CTAGE1: variants seen among roughly 807,000 people sequenced by gnomAD.
The protein encoded by CTAGE1 is cutaneous T cell lymphoma-associated antigen 1.
For missense variants in CTAGE1, 963 were observed against 855.9 expected, an observed-to-expected ratio of 1.13 and a Z score of -1.56; for synonymous variants, 332 against 302.8, an observed-to-expected ratio of 1.10 and a Z score of -1.00.
Position 22,415,067 on chromosome 18 carries a change from C to T in CTAGE1, c.*507G>A, listed in dbSNP as rs2034993608. 2 of 366,070 alleles carry T rather than the reference C, an allele frequency of 5.5e-6. No individual in the cohort carries two copies. The highest frequency in any genetic ancestry group is 9.7e-6 in the Non-Finnish European group (2 of 206,842). 22.7% of individuals were successfully genotyped at this position (366,070 alleles called of 1,614,324 possible). On this transcript the variant is annotated 3_prime_UTR_variant, in exon 1 of 1. Transcript: ENST00000391403. ...TAACAGTTACATAGTATTCTACCTT[C>T]CCACCTGTGCATATTTATATATTTC...
chr18:22,417,789 TA>T lies in CTAGE1; in HGVS notation c.22del (p.Tyr8MetfsTer8). ...TATCACCAATTCCCATGGAAAACCA[TA>T]AGGATGAGAATCGGGTCTCATACCT... MRPDSHP[Y>X]GFPWELVIRA... On this transcript the variant is annotated frameshift_variant, in exon 1 of 1. Coordinates refer to ENST00000391403, the MANE Select transcript of CTAGE1 (RefSeq NM_172241.3). LOFTEE classifies it low-confidence loss of function (END_TRUNC). 6.2e-7 allele frequency: 1 copy of T among 1,614,148 alleles called. No individual in the cohort carries two copies. The highest frequency in any genetic ancestry group is 8.5e-7 in the Non-Finnish European group (1 of 1,180,034).
In CTAGE1 at chr18:22,415,857, T is replaced by C. The variant is rs1451058868; in HGVS notation, c.1955A>G (p.Glu652Gly). ...AAAGCCAGGGCCAGTTGCTTCATTT[T>C]CAGCGGGGAGAGATGAATCAGGCAC... Reference protein sequence around the residue: ...LKVPDSSLPAENEATGPGFVP... With the variant: ...LKVPDSSLPAGNEATGPGFVP... The change falls in exon 1 of 1, where the codon GAA becomes GGA. Residue 652 changes from glutamate (E) to glycine (G), a missense_variant. By Grantham distance (98) the Glu-to-Gly change is moderately conservative. Transcript: ENST00000391403. 3.7e-6 allele frequency: 6 copies of C among 1,613,826 alleles called. No homozygotes were observed. Among genetic ancestry groups the C allele is most frequent in the Non-Finnish European group, 5.1e-6 (6 of 1,179,858 alleles).
At position 22,415,842 on chromosome 18, in the gene CTAGE1, C is replaced by G. The variant is rs755643902; in HGVS notation, c.1970G>C (p.Gly657Ala). The change falls in exon 1 of 1, where the codon GGC (glycine) becomes GCC (alanine). Residue 657 changes from glycine (G) to alanine (A), a missense_variant. By Grantham distance (60) the Gly-to-Ala change is moderately conservative. Transcript: ENST00000391403. The part of the protein sequence containing the change: ...SSLPAENEAT[G>A]PGFVPPPLAP... ...AAGAGGTGGAGGAACAAAGCCAGGG[C>G]CAGTTGCTTCATTTTCAGCGGGGAG... 18 of 1,613,886 alleles carry G rather than the reference C, an allele frequency of 1.1e-5. No individual in the cohort carries two copies. The South Asian group carries it at 1.5e-4, about 14-fold the overall frequency.
rs180907713 is a variant in CTAGE1, at chr18:22,416,163, C to A, written c.1649G>T (p.Arg550Met). The A allele has an allele frequency of 6.2e-7, 1 of 1,613,960 alleles. No individual in the cohort carries two copies. Among genetic ancestry groups the A allele is most frequent in the Admixed American group, 1.7e-5 (1 of 60,016 alleles). Residue 550 changes from arginine (R) to methionine (M), a missense_variant, in exon 1 of 1, where the codon AGG (arginine) becomes ATG (methionine). By Grantham distance (91) the Arg-to-Met change is moderately conservative. Transcript: ENST00000391403. ...TKERGESSCD[R>M]LTDPHRAPSD... is the part of the protein sequence containing the mutation. ...AGGAGCCCTGTGAGGATCAGTTAAC[C>A]TATCACAGCTTGATTCTCCTCTTTC...
rs779760341 is a variant in CTAGE1, at chr18:22,415,696, G to T, written c.2116C>A (p.Pro706Thr). Reference sequence around the variant, plus strand: ...CGTGGTGGACCTGGGACATCCCTTGGAGAAAAATAATCTGGAGAAGCTCCA... The same window carrying T: ...CGTGGTGGACCTGGGACATCCCTTGTAGAAAAATAATCTGGAGAAGCTCCA... ...VFGASPDYFS[P>T]RDVPGPPRAP... is the part of the protein sequence containing the mutation. The change falls in exon 1 of 1, where the codon CCA (proline) becomes ACA (threonine). Residue 706 changes from proline to threonine, a missense_variant. Transcript: ENST00000391403. The T allele has an allele frequency of 3.1e-6, 5 of 1,614,006 alleles. No homozygotes were observed. In the African/African-American group the frequency reaches 6.7e-5, roughly 22 times the overall value.
chr18:22,414,648 T>G lies in CTAGE1; in HGVS notation c.*926A>C. The G allele has an allele frequency of 1.4e-6, 1 of 702,198 alleles. No individual in the cohort carries two copies. The highest frequency in any genetic ancestry group is 1.5e-5 in the South Asian group (1 of 67,190). 43.5% of individuals were successfully genotyped at this position (702,198 alleles called of 1,614,324 possible). ...TTAAGCACTATCTTAGATTTACTCC[T>G]TCCCCTTGCCACAGCAAGAGAAAAG... On this transcript the variant is annotated 3_prime_UTR_variant, in exon 1 of 1. Transcript: ENST00000391403.
Position 22,416,687 on chromosome 18 carries a change from T to C in CTAGE1, c.1125A>G (p.Lys375=), listed in dbSNP as rs373262634. Residue 375 remains lysine, a synonymous_variant, in exon 1 of 1, where the codon AAA becomes AAG. Coordinates refer to ENST00000391403, the MANE Select transcript of CTAGE1 (RefSeq NM_172241.3). ...GTTTCTCTTCTTTCTCTAACCGGCA[T>C]TTTTCCTCTACTATTAATTTCCTGT... ...KLYRKLIVEE[K]CRLEKEEKLS... is the part of the protein sequence containing the mutation. The C allele has an allele frequency of 1.4e-5, 22 of 1,613,908 alleles. No homozygotes were observed. In the African/African-American group the frequency reaches 2.5e-4, roughly 19 times the overall value.
chr18:22,414,768 A>G lies in CTAGE1; in HGVS notation c.*806T>C, dbSNP rs1487543315. The G allele has an allele frequency of 7.1e-6, 5 of 702,890 alleles. No individual in the cohort carries two copies. The highest frequency in any genetic ancestry group is 4.4e-5 in the South Asian group (3 of 67,602). The allele number at this position is 702,890 out of a possible 1,614,324, so 43.5% of individuals were successfully genotyped here. On this transcript the variant is annotated 3_prime_UTR_variant, in exon 1 of 1. Coordinates refer to ENST00000391403, the MANE Select transcript of CTAGE1 (RefSeq NM_172241.3). ...GATCTATATAATTCTGGGGCAAGTA[A>G]AAGTTCTGGATAAAGTTGTTCCCAC...
chr18:22,415,797 A>T lies in CTAGE1; in HGVS notation c.2015T>A (p.Leu672Ter). The change falls in exon 1 of 1, where the codon TTG (leucine) becomes TAG (stop). Residue 672 changes from leucine to a stop codon, truncating the protein, a stop_gained. Transcript: ENST00000391403. LOFTEE classifies it low-confidence loss of function (END_TRUNC). The stretch of plus-strand genomic sequence containing the variant: ...CGGGCCCCTTGTATCTACTGGAAAC[A>T]ATAAACCTCTGATTGGAGCAAGAGG... ...PPPLAPIRGL[L>*]FPVDTRGPFI... 1 of 1,613,988 alleles carries T rather than the reference A, an allele frequency of 6.2e-7. No homozygotes were observed. Among genetic ancestry groups the T allele is most frequent in the Non-Finnish European group, 8.5e-7 (1 of 1,179,854 alleles).
rs1008231171 is a variant in CTAGE1, at chr18:22,416,247, C to T, written c.1565G>A (p.Arg522Gln). Residue 522 changes from arginine (R) to glutamine (Q), a missense_variant, in exon 1 of 1, where the codon CGG becomes CAG. Transcript: ENST00000391403. ...GPLRLSPLLPRGGGRGSRGPG... is the reference protein window; with the variant it reads ...GPLRLSPLLPQGGGRGSRGPG... Reference sequence around the variant, plus strand: ...GCCTCTGGAGCCTCTTCCTCCTCCCCGTGGAAGCAAAGGTGAGAGTCTGAG... The same window carrying T: ...GCCTCTGGAGCCTCTTCCTCCTCCCTGTGGAAGCAAAGGTGAGAGTCTGAG... 1.1e-5 allele frequency: 18 copies of T among 1,613,760 alleles called. No individual in the cohort carries two copies. Among genetic ancestry groups the T allele is most frequent in the South Asian group, 2.2e-5 (2 of 91,064 alleles).
At position 22,413,662 on chromosome 18, in the gene CTAGE1, G is replaced by GA. The variant is rs1334313203; in HGVS notation, c.*1911dup. The GA allele has an allele frequency of 1.3e-5, 2 of 152,064 alleles. No homozygotes were observed. The highest frequency in any genetic ancestry group is 2.9e-5 in the Non-Finnish European group (2 of 67,988). The allele number at this position is 152,064 out of a possible 1,614,324, so 9.4% of individuals were successfully genotyped here. A position where few individuals can be genotyped will look rare whatever the true frequency, so the allele number is the denominator to read the frequency against. ...TTCTTTTTAGTTTATTAGGTTCATG[G>GA]AAAAAAATTAGTAGTCATTCAACAA... On this transcript the variant is annotated 3_prime_UTR_variant, in exon 1 of 1. Transcript: ENST00000391403.
chr18:22,415,835 G>C lies in CTAGE1; in HGVS notation c.1977C>G (p.Gly659=). Residue 659 remains glycine, a synonymous_variant, in exon 1 of 1, where the codon GGC becomes GGG. Coordinates refer to ENST00000391403, the MANE Select transcript of CTAGE1 (RefSeq NM_172241.3). ...LPAENEATGP[G]FVPPPLAPIR... is the part of the protein sequence containing the mutation. Reference sequence around the variant, plus strand: ...TTGGAGCAAGAGGTGGAGGAACAAAGCCAGGGCCAGTTGCTTCATTTTCAG... The same window carrying C: ...TTGGAGCAAGAGGTGGAGGAACAAACCCAGGGCCAGTTGCTTCATTTTCAG... The C allele has an allele frequency of 6.2e-7, 1 of 1,613,954 alleles. No individual in the cohort carries two copies.
rs78862845 is a variant in CTAGE1 at position 22,417,305 on chromosome 18, C to T, written c.507G>A (p.Ala169=). Residue 169 remains alanine, a synonymous_variant, in exon 1 of 1, where the codon GCG becomes GCA. Transcript: ENST00000391403. ...EAKMTFKRFQ[A]NEERLEIEIQ... ...TTTCTATCTCCAACCGTTCTTCATT[C>T]GCTTGAAATCTCTTGAAGGTCATTT... The T allele has an allele frequency of 1.2e-3, 2,002 of 1,613,914 alleles. 15 individuals are homozygous for T. The African/African-American group carries it at 0.017, about 14-fold the overall frequency.
rs1489918587 is a variant in CTAGE1, at chr18:22,415,080, A to G, written c.*494T>C. 1 of 303,362 alleles carries G rather than the reference A, an allele frequency of 3.3e-6. No homozygotes were observed. Among genetic ancestry groups the G allele is most frequent in the Non-Finnish European group, 6.0e-6 (1 of 167,746 alleles). The allele number at this position is 303,362 out of a possible 1,614,324, so 18.8% of individuals were successfully genotyped here. Reference sequence around the variant, plus strand: ...GTATTCTACCTTCCCACCTGTGCATATTTATATATTTCTTTTTTTAAATTT... The same window carrying G: ...GTATTCTACCTTCCCACCTGTGCATGTTTATATATTTCTTTTTTTAAATTT... On this transcript the variant is annotated 3_prime_UTR_variant, in exon 1 of 1. Transcript: ENST00000391403.
Position 22,417,084 on chromosome 18 carries a change from T to C in CTAGE1, c.728A>G (p.Lys243Arg). The C allele has an allele frequency of 6.2e-7, 1 of 1,613,954 alleles. No homozygotes were observed. The highest frequency in any genetic ancestry group is 8.5e-7 in the Non-Finnish European group (1 of 1,179,846). Residue 243 changes from lysine to arginine, a missense_variant, in exon 1 of 1, where the codon AAG (lysine) becomes AGG (arginine). Transcript: ENST00000391403. ...AAGCATAGCAACCCCATCTTTCATC[T>C]TTAGCAAGCGTTCAGTCAGAGTCTT... Reference protein sequence around the residue: ...HIKTLTERLLKMKDGVAMLEE... With the variant: ...HIKTLTERLLRMKDGVAMLEE...
Position 22,415,742 on chromosome 18 carries a change from TG to T in CTAGE1, c.2069del (p.Pro690HisfsTer30), listed in dbSNP as rs766584848. ...CTCCAAACACGGTTCCTGGAGGAGGTGGGGGGAAAGGAGGTCCTCTTCTTAT... is the reference window on the plus strand; with the variant it reads ...CTCCAAACACGGTTCCTGGAGGAGGTGGGGGAAAGGAGGTCCTCTTCTTAT... Reference protein sequence around the residue: ...PFIRRGPPFPPPPPGTVFGAS... With the variant: ...PFIRRGPPFPXPPPGTVFGAS... On this transcript the variant is annotated frameshift_variant, in exon 1 of 1. Coordinates refer to ENST00000391403, the MANE Select transcript of CTAGE1 (RefSeq NM_172241.3). LOFTEE classifies it low-confidence loss of function (END_TRUNC). The T allele has an allele frequency of 6.2e-6, 10 of 1,612,960 alleles. No homozygotes were observed. The highest frequency in any genetic ancestry group is 1.1e-5 in the South Asian group (1 of 90,990).
At position 22,416,630 on chromosome 18, in the gene CTAGE1, G is replaced by A; in HGVS notation, c.1182C>T (p.Ala394=). The A allele has an allele frequency of 6.2e-7, 1 of 1,613,696 alleles. No homozygotes were observed. The highest frequency in any genetic ancestry group is 8.5e-7 in the Non-Finnish European group (1 of 1,179,914). The change falls in exon 1 of 1, where the codon GCC becomes GCT. Residue 394 remains alanine (A), a synonymous_variant. Coordinates refer to ENST00000391403, the MANE Select transcript of CTAGE1 (RefSeq NM_172241.3). ...LSKVDEMISH[A]TEELETYRKR... is the part of the protein sequence containing the mutation. ...TTCGGTAGGTCTCCAGCTCTTCAGT[G>A]GCATGGCTGATCATTTCGTCTACTT...
At position 22,414,954 on chromosome 18, in the gene CTAGE1, A is replaced by G. The variant is rs1294976579; in HGVS notation, c.*620T>C. On this transcript the variant is annotated 3_prime_UTR_variant, in exon 1 of 1. Transcript: ENST00000391403. ...GAAACACGAATACTTTCTGCTATAA[A>G]TGTTTTACACTCTCAAAGTACTGAA... is the stretch of plus-strand genomic sequence containing the variant. The G allele has an allele frequency of 1.6e-6, 1 of 616,394 alleles. No individual in the cohort carries two copies. Among genetic ancestry groups the G allele is most frequent in the African/African-American group, 1.8e-5 (1 of 54,218 alleles). The allele number at this position is 616,394 out of a possible 1,614,324, so 38.2% of individuals were successfully genotyped here. A position where few individuals can be genotyped will look rare whatever the true frequency, so the allele number is the denominator to read the frequency against.
At position 22,415,534 on chromosome 18, in the gene CTAGE1, T is replaced by G. The variant is rs2034998207; in HGVS notation, c.*40A>C. The G allele has an allele frequency of 1.4e-6, 2 of 1,476,704 alleles. No individual in the cohort carries two copies. The highest frequency in any genetic ancestry group is 1.8e-6 in the Non-Finnish European group (2 of 1,088,910). 91.5% of individuals were successfully genotyped at this position (1,476,704 alleles called of 1,614,324 possible). A position where few individuals can be genotyped will look rare whatever the true frequency, so the allele number is the denominator to read the frequency against. ...TCTGGATGTTCAGCAGCAGGCTCATTTGAAGTCGGACTCAACCCTGATGGA... is the reference window on the plus strand; with the variant it reads ...TCTGGATGTTCAGCAGCAGGCTCATGTGAAGTCGGACTCAACCCTGATGGA... On this transcript the variant is annotated 3_prime_UTR_variant, in exon 1 of 1. Coordinates refer to ENST00000391403, the MANE Select transcript of CTAGE1 (RefSeq NM_172241.3).
Sources: gnomAD v4.1 joint callset for allele counts on GRCh38, gnomAD v4.1.1 for gene constraint, MANE v1.5 for transcripts, NCBI Gene and HGNC (gene_info 2026-07-23, HGNC 2026-07-21) for gene names.